CSTF2: variants seen among roughly 807,000 people sequenced by gnomAD.
CSTF2 encodes the protein cleavage stimulation factor subunit 2.
CSTF2 carries 8 observed loss-of-function variants against 45.4 expected under a neutral mutation model. The observed-to-expected ratio is 0.18, with a 90% confidence interval of 0.10 to 0.32. The LOEUF is 0.32. Among genes scored for constraint, CSTF2 ranks in the 10% least tolerant of loss-of-function variants. The pLI is 1.00. For missense variants in CSTF2, 253 were observed against 477.1 expected, an observed-to-expected ratio of 0.53 and a Z score of 4.38; for synonymous variants, 155 against 158.9, an observed-to-expected ratio of 0.98 and a Z score of 0.18.
chrX:100,826,044 G>C (rs936573068), intron 6 of CSTF2, among the ~76,000 whole-genome samples: 1 of 110,793 alleles, frequency 9.0e-6, no homozygotes, highest in African/African-American at 3.3e-5. Flanking sequence ...TCTAATTCAA[G>C]GGACTACTCA....
chrX:100,838,415 G>A, intron 13 of CSTF2, 51 bp downstream of exon 13: 2 of 1,090,109 alleles, frequency 1.8e-6, no homozygotes, highest in Admixed American at 2.7e-5. Context: ...TGTCTATTCT[G>A]GGTATATACT....
Position 100,824,128 on chromosome X carries a change from G to A in CSTF2, c.573G>A (p.Leu191=). Residue 191 remains leucine, a synonymous_variant, in exon 6 of 14, where the codon CTG becomes CTA. Coordinates refer to ENST00000372972, the MANE Select transcript of CSTF2 (RefSeq NM_001325.3). ...IVDPEIALKI[L]HRQTNIPTLI... ...GTCTTTTCACTTTTTAGAAAATTCT[G>A]CATCGCCAGACAAATATCCCAACGC... 8.3e-7 allele frequency: 1 copy of A among 1,211,178 alleles called. No individual in the cohort carries two copies. Among genetic ancestry groups the A allele is most frequent in the Non-Finnish European group, 1.1e-6 (1 of 895,263 alleles).
At chrX:100,829,092 T>C (rs980429774) in intron 8 of CSTF2, among the ~76,000 whole-genome samples, 11 of 112,234 alleles carry the variant, frequency 9.8e-5, no homozygotes, top group Non-Finnish European at 1.7e-4. Flanking sequence ...TCTACTCTTA[T>C]TCCTTGGGAA....
chrX:100,837,446 G>A lies in CSTF2; in HGVS notation c.1608G>A (p.Glu536=). The change falls in exon 12 of 14, where the codon GAG becomes GAA. Residue 536 remains glutamate (E), a synonymous_variant. Transcript: ENST00000372972. ...ACCAAGTCACTCCACAGGATCATGA[G>A]AAGGTAAGCAACACTGTCTGACTGC... ...GQNQVTPQDH[E]KAALIMQVLQ... 8.5e-7 allele frequency: 1 copy of A among 1,179,245 alleles called. No individual in the cohort carries two copies. The highest frequency in any genetic ancestry group is 1.8e-5 in the South Asian group (1 of 55,377).
chrX:100,829,061 C>T (rs970778357), intron 8 of CSTF2, among the ~76,000 whole-genome samples: 1 of 112,178 alleles, frequency 8.9e-6, no homozygotes, highest in African/African-American at 3.2e-5. Flanking sequence ...TGTTAACTTC[C>T]AAGCATATTC....
intron 8 of CSTF2, among the ~76,000 whole-genome samples, chrX:100,829,649 C>G (rs2084963486): frequency 8.9e-6 from 1 of 111,860 alleles, no homozygotes; most frequent in African/African-American, 3.3e-5. Context: ...GACAAACTCC[C>G]TGGCCAAATA....
chrX:100,830,825 C>A, intron 8 of CSTF2: 1 of 1,154,143 alleles, frequency 8.7e-7, no homozygotes, highest in Non-Finnish European at 1.1e-6. Context: ...ACAGCACTCG[C>A]CCGTGGGACC....
At chrX:100,835,888 A>T (rs1378737073) in intron 11 of CSTF2, among the ~76,000 whole-genome samples, 2 of 111,712 alleles carry the variant, frequency 1.8e-5, no homozygotes, top group Non-Finnish European at 3.8e-5. Flanking sequence ...CAAAAAGATT[A>T]TACTCAATTC....
At position 100,823,483 on chromosome X, in the gene CSTF2, G is replaced by GT. The variant is rs201138210; in HGVS notation, c.444+57dup. 3,365 of 1,169,510 alleles carry GT rather than the reference G, an allele frequency of 2.9e-3. 72 individuals carry two copies. In the African/African-American group the frequency reaches 0.053, roughly 18 times the overall value. On this transcript the variant is annotated intron_variant, in intron 4 of 13. Coordinates refer to ENST00000372972, the MANE Select transcript of CSTF2 (RefSeq NM_001325.3). ...GCAAATCACATCAGGTTTTCAAGGA[G>GT]TTACTTGAATTAGTTCCCTGAGCTC... is the stretch of plus-strand genomic sequence containing the variant.
chrX:100,832,837 G>A lies in CSTF2; in HGVS notation c.1135G>A (p.Glu379Lys). ...TGAACTGAGGGGAGGGCCATTACCC[G>A]AGCCCAGACCTCTAATGGCAGAACC... is the stretch of plus-strand genomic sequence containing the variant. Reference protein sequence around the residue: ...PHELRGGPLPEPRPLMAEPRG... With the variant: ...PHELRGGPLPKPRPLMAEPRG... Residue 379 changes from glutamate to lysine, a missense_variant, in exon 10 of 14, where the codon GAG (glutamate) becomes AAG (lysine). By Grantham distance (56) the Glu-to-Lys change is moderately conservative. Coordinates refer to ENST00000372972, the MANE Select transcript of CSTF2 (RefSeq NM_001325.3). The A allele has an allele frequency of 8.3e-7, 1 of 1,209,600 alleles. No individual in the cohort carries two copies. The highest frequency in any genetic ancestry group is 1.1e-6 in the Non-Finnish European group (1 of 894,335).
intron 6 of CSTF2, among the ~76,000 whole-genome samples, chrX:100,825,815 A>G (rs1284295075): frequency 9.0e-6 from 1 of 111,565 alleles, no homozygotes; most frequent in Non-Finnish European, 1.9e-5. Flanking sequence ...TAGAAAAAAA[A>G]AGCTAAGGCC....
At chrX:100,837,666 G>A (rs1237204599) in intron 12 of CSTF2, among the ~76,000 whole-genome samples, 2 of 112,000 alleles carry the variant, frequency 1.8e-5, no homozygotes, top group East Asian at 5.6e-4. Context: ...GATGTAAATG[G>A]CAGCTTATTT....
intron 8 of CSTF2, 21 bp downstream of exon 8, chrX:100,828,123 G>A: frequency 1.7e-6 from 2 of 1,158,719 alleles, no homozygotes; most frequent in Middle Eastern, 2.4e-4. Context: ...ATTAATGTCT[G>A]ACTAATGTTA....
chrX:100,822,096 A>G (rs895439345), intron 2 of CSTF2, among the ~76,000 whole-genome samples, 155 bp from the exon 3 acceptor site: 5 of 82,867 alleles, frequency 6.0e-5, no homozygotes, highest in Admixed American at 1.2e-4. Context: ...CCATCTCAGG[A>G]AAAAAAAAAA....
rs1168640706 is a variant in CSTF2 at position 100,837,350 on chromosome X, G to T, written c.1512G>T (p.Met504Ile). The change falls in exon 12 of 14, where the codon ATG becomes ATT. Residue 504 changes from methionine to isoleucine, a missense_variant. Physicochemically the swap from Met to Ile is conservative, Grantham distance 10. Around this residue, in one of 3 missense-constraint regions of CSTF2, gnomAD observed 200 missense variants for 294.0 expected, o/e 0.68. Coordinates refer to ENST00000372972, the MANE Select transcript of CSTF2 (RefSeq NM_001325.3). ...VPQGSRQVPV[M>I]QGTGMQGASI... The stretch of plus-strand genomic sequence containing the variant: ...CTTTGTACACATAGGTCCCAGTCAT[G>T]CAGGGAACAGGAATGCAAGGAGCAA... The T allele has an allele frequency of 8.3e-7, 1 of 1,200,772 alleles. No homozygotes were observed. Among genetic ancestry groups the T allele is most frequent in the Non-Finnish European group, 1.1e-6 (1 of 888,320 alleles).
intron 6 of CSTF2, 59 bp from the exon 7 acceptor site, chrX:100,826,575 C>G (rs1365216325): frequency 1.8e-6 from 2 of 1,140,383 alleles, no homozygotes; most frequent in Non-Finnish European, 2.4e-6. Context: ...AGGTCGTAGA[C>G]TTAGTATATT....
At chrX:100,828,179 C>T (rs1352807944) in intron 8 of CSTF2, 77 bp downstream of exon 8, 27 of 705,909 alleles carry the variant, frequency 3.8e-5, no homozygotes, top group Non-Finnish European at 5.2e-5. Context: ...AATATGGCAG[C>T]CACTAACCAC....
chrX:100,823,855 G>C, intron 4 of CSTF2, 31 bp from the exon 5 acceptor site: 1 of 1,202,249 alleles, frequency 8.3e-7, no homozygotes, highest in Non-Finnish European at 1.1e-6. Flanking sequence ...TAAGTCATAA[G>C]TATTAAACCT....
At chrX:100,826,316 T>C (rs769097085) in intron 6 of CSTF2, among the ~76,000 whole-genome samples, 5 of 104,053 alleles carry the variant, frequency 4.8e-5, no homozygotes, top group African/African-American at 1.4e-4. Context: ...TTTTTTACTC[T>C]TATTGGCAGC....
Sources: gnomAD v4.1 joint callset for allele counts (sites outside exome capture counted in the v4.1 genomes callset) on GRCh38, gnomAD v4.1.1 for gene constraint, gnomAD v4.1.1 regional missense constraint, MANE v1.5 for transcripts, NCBI Gene and HGNC (gene_info 2026-07-23, HGNC 2026-07-21) for gene names.